The following SLC22A2 variants were observed in gnomAD, a reference collection of about 807,000 sequenced individuals.
The protein encoded by SLC22A2 is solute carrier family 22 member 2.
A neutral mutation model predicts 60.5 loss-of-function variants in SLC22A2; 46 were observed. That is an observed-to-expected ratio of 0.76 (90% CI 0.60 to 0.97). The LOEUF is 0.97. Ranked by LOEUF, SLC22A2 falls within the 50% of genes least tolerant of loss-of-function variation. The pLI is 0.00. For synonymous variants in SLC22A2, 303 were observed against 267.0 expected, an observed-to-expected ratio of 1.13 and a Z score of -1.31; for missense variants, 701 against 706.6, an observed-to-expected ratio of 0.99 and a Z score of 0.09.
intron 10 of SLC22A2, chr6:160,218,244 G>A (rs1484508972): frequency 4.6e-6 from 1 of 216,278 alleles, no homozygotes; most frequent in Non-Finnish European, 9.3e-6. Context: ...CTCCAGATGG[G>A]GAGGTAAAAT....
At position 160,245,694 on chromosome 6, in the gene SLC22A2, ATTTTTTTTT is replaced by A. The variant is rs11422120; in HGVS notation, c.958-158_958-150del. On this transcript the variant is annotated intron_variant, in intron 5 of 10. Coordinates refer to ENST00000366953, the MANE Select transcript of SLC22A2 (RefSeq NM_003058.4). ...CACTTTCCATACTGTGTCCCATTTC[ATTTTTTTTT>A]TTTTTTTTTTTTTGAGACTGAATCT... 3.4e-4 allele frequency: 55 copies of A among 163,912 alleles called. No individual in the cohort carries two copies. The Middle Eastern group carries it at 8.1e-3, about 24-fold the overall frequency. The allele number at this position is 163,912 out of a possible 1,614,324, so 10.2% of individuals were successfully genotyped here.
chr6:160,247,203 G>A lies in SLC22A2; in HGVS notation c.938C>T (p.Ser313Phe), dbSNP rs756063752. The A allele has an allele frequency of 8.7e-6, 14 of 1,607,934 alleles. No homozygotes were observed. The highest frequency in any genetic ancestry group is 1.2e-5 in the Non-Finnish European group (14 of 1,174,480). ...IKHIAKKNGKSLPASLQRLRL... is the reference protein window; with the variant it reads ...IKHIAKKNGKFLPASLQRLRL... ...GCTCACCTGAAGGGAGGCGGGTAGAGATTTTCCATTTTTCTTTGCGATGTG... is the reference window on the plus strand; with the variant it reads ...GCTCACCTGAAGGGAGGCGGGTAGAAATTTTCCATTTTTCTTTGCGATGTG... The change falls in exon 5 of 11, where the codon TCT becomes TTT. Residue 313 changes from serine to phenylalanine, a missense_variant. Transcript: ENST00000366953.
Position 160,256,594 on chromosome 6 carries a change from C to A in SLC22A2, c.518+20G>T. 2.0e-6 allele frequency: 3 copies of A among 1,535,110 alleles called. No individual in the cohort carries two copies. Among genetic ancestry groups the A allele is most frequent in the Non-Finnish European group, 2.7e-6 (3 of 1,108,190 alleles). ...AACCTTTGGGATTGTTTAAATTCCA[C>A]CACAGGTGATTCAACCTACCTGTCT... On this transcript the variant is annotated intron_variant, in intron 2 of 10. Transcript: ENST00000366953.
chr6:160,219,663 C>T (rs201548074), intron 10 of SLC22A2, among the ~76,000 whole-genome samples: 29 of 150,788 alleles, frequency 1.9e-4, no homozygotes, highest in East Asian at 3.9e-4. Context: ...CATAGGGTTG[C>T]TGCAAGGATT....
intron 9 of SLC22A2, among the ~76,000 whole-genome samples, chr6:160,238,581 G>T (rs1422674454): frequency 1.3e-5 from 2 of 152,136 alleles, no homozygotes; most frequent in African/African-American, 4.8e-5. Context: ...AGTCTTCTTT[G>T]ATTATCGTTT....
intron 9 of SLC22A2, among the ~76,000 whole-genome samples, chr6:160,236,177 A>G (rs1782909663): frequency 6.6e-6 from 1 of 152,200 alleles, no homozygotes; most frequent in Non-Finnish European, 1.5e-5. Context: ...GTATTCTTGA[A>G]TGCAGGTTTC....
At chr6:160,249,554 A>G (rs1228881275) in intron 3 of SLC22A2, among the ~76,000 whole-genome samples, 170 bp from the exon 4 acceptor site, 3 of 152,160 alleles carry the variant, frequency 2.0e-5, no homozygotes, top group Non-Finnish European at 4.4e-5. Flanking sequence ...TGTTATAACT[A>G]TTGCTGTTTT....
At chr6:160,221,460 T>C (rs1364337633) in intron 10 of SLC22A2, among the ~76,000 whole-genome samples, 1 of 152,244 alleles carries the variant, frequency 6.6e-6, no homozygotes, top group Non-Finnish European at 1.5e-5. Context: ...TGTAGCATTT[T>C]TATACTTCCT....
chr6:160,249,217 A>T lies in SLC22A2; in HGVS notation c.841T>A (p.Trp281Arg). 3 of 1,586,672 alleles carry T rather than the reference A, an allele frequency of 1.9e-6. No individual in the cohort carries two copies. Among genetic ancestry groups the T allele is most frequent in the Non-Finnish European group, 2.6e-6 (3 of 1,166,698 alleles). ...CCTTTTTATTCCAAATGGACTTACC[A>T]GTAATAGAGCAAGAAGAAGAAGTTG... is the stretch of plus-strand genomic sequence containing the variant. The part of the protein sequence containing the change: ...LPNFFFLLYY[W>R]CIPESPRWLI... Residue 281 changes from tryptophan to arginine, a missense_variant and splice_region_variant, in exon 4 of 11, where the codon TGG (tryptophan) becomes AGG (arginine). Trp to Arg is a moderately radical substitution (Grantham distance 101). Transcript: ENST00000366953.
intron 5 of SLC22A2, 120 bp from the exon 6 acceptor site, chr6:160,245,665 C>T (rs541131593): frequency 4.2e-6 from 2 of 475,250 alleles, no homozygotes; most frequent in Non-Finnish European, 7.5e-6. Context: ...AGCACTAGAG[C>T]AAGCACTTTC....
At chr6:160,222,480 T>A (rs1289039350) in intron 10 of SLC22A2, among the ~76,000 whole-genome samples, 1 of 152,230 alleles carries the variant, frequency 6.6e-6, no homozygotes, top group African/African-American at 2.4e-5. Context: ...AGGCATGCTG[T>A]AGAAGGAACT....
chr6:160,243,208 C>T (rs1223615046), intron 7 of SLC22A2, among the ~76,000 whole-genome samples: 1 of 152,076 alleles, frequency 6.6e-6, no homozygotes, highest in Non-Finnish European at 1.5e-5. Flanking sequence ...ATTTATTCTG[C>T]AGGTTGATGC....
At chr6:160,229,382 A>G (rs1485725757) in intron 9 of SLC22A2, among the ~76,000 whole-genome samples, 4 of 151,860 alleles carry the variant, frequency 2.6e-5, no homozygotes, top group Non-Finnish European at 5.9e-5. Flanking sequence ...CCAGTCACGG[A>G]CTTGGGTTTA....
At chr6:160,232,753 G>A (rs992149293) in intron 9 of SLC22A2, among the ~76,000 whole-genome samples, 5 of 151,792 alleles carry the variant, frequency 3.3e-5, no homozygotes, top group Admixed American at 1.3e-4. Flanking sequence ...TGCTTATGCT[G>A]ATAAGGTAGC....
chr6:160,236,012 GTTAAA>G (rs2114859019), intron 9 of SLC22A2, among the ~76,000 whole-genome samples: 1 of 152,246 alleles, frequency 6.6e-6, no homozygotes, highest in Admixed American at 6.5e-5. Context: ...TAATTGCTAT[GTTAAA>G]TTAATGTGTG....
At position 160,217,453 on chromosome 6, in the gene SLC22A2, T is replaced by C; in HGVS notation, c.1647A>G (p.Lys549=). The change falls in exon 11 of 11, where the codon AAA becomes AAG. Residue 549 remains lysine (K), a synonymous_variant. Coordinates refer to ENST00000366953, the MANE Select transcript of SLC22A2 (RefSeq NM_003058.4). ...CTTCTTAGTTCAATGGAATGTCTAG[T>C]TTCTGAACTTGGAGGTAAATCATCT... ...KEKMIYLQVQ[K]LDIPLN The C allele has an allele frequency of 6.2e-7, 1 of 1,604,758 alleles. No individual in the cohort carries two copies. Among genetic ancestry groups the C allele is most frequent in the African/African-American group, 1.3e-5 (1 of 74,816 alleles).
intron 9 of SLC22A2, among the ~76,000 whole-genome samples, chr6:160,229,097 T>C (rs1234207362): frequency 6.6e-6 from 1 of 151,798 alleles, no homozygotes; most frequent in Non-Finnish European, 1.5e-5. Context: ...GGGAGATCAA[T>C]CCCCTGTCCT....
intron 9 of SLC22A2, among the ~76,000 whole-genome samples, chr6:160,239,089 T>C (rs115336436): frequency 0.01 from 1,576 of 152,226 alleles, 38 homozygotes; most frequent in African/African-American, 0.037. Context: ...AAAACCAAGA[T>C]GGCGATGGAA....
chr6:160,246,202 C>T lies in SLC22A2; in HGVS notation c.958-657G>A, dbSNP rs138121869. Among the ~76,000 whole-genome samples, 1,132 of 151,400 alleles carry T rather than the reference C, an allele frequency of 7.5e-3. 13 individuals carry two copies. Among genetic ancestry groups the T allele is most frequent in the African/African-American group, 0.025 (1,051 of 41,286 alleles). On this transcript the variant is annotated intron_variant, in intron 5 of 10. Transcript: ENST00000366953. ...TTTTAGTAGAGGTGGGGTTTTGCCACGTTGGCCAGGCTGGTCTCGAGCTCC... is the reference window on the plus strand; with the variant it reads ...TTTTAGTAGAGGTGGGGTTTTGCCATGTTGGCCAGGCTGGTCTCGAGCTCC...
Sources: allele counts gnomAD v4.1 joint callset (sites outside exome capture counted in the v4.1 genomes callset), GRCh38; gene constraint gnomAD v4.1.1; transcripts MANE v1.5; gene names NCBI Gene and HGNC (gene_info 2026-07-23, HGNC 2026-07-21).